The following PRKN variants were observed in gnomAD, a reference collection of about 807,000 sequenced individuals.
The protein encoded by PRKN is E3 ubiquitin-protein ligase parkin.
A neutral mutation model predicts 59.5 loss-of-function variants in PRKN; 56 were observed. That is an observed-to-expected ratio of 0.94 (90% CI 0.76 to 1.18). The LOEUF (loss-of-function observed/expected upper bound fraction) is 1.18. PRKN is among the 50% of genes most tolerant of loss of function. The pLI is 0.00. For synonymous variants in PRKN, 250 were observed against 222.1 expected, an observed-to-expected ratio of 1.13 and a Z score of -1.12; for missense variants, 657 against 596.4, an observed-to-expected ratio of 1.10 and a Z score of -1.06.
chr6:161,859,096 C>T (rs570565317), intron 6 of PRKN, among the ~76,000 whole-genome samples: 15 of 151,560 alleles, frequency 9.9e-5, no homozygotes, highest in African/African-American at 3.6e-4. Context: ...TCTCGAACTC[C>T]TGACCTCAAG....
chr6:162,323,537 A>AT (rs1562670322), intron 2 of PRKN, among the ~76,000 whole-genome samples: 3 of 152,204 alleles, frequency 2.0e-5, no homozygotes, highest in African/African-American at 7.2e-5. Context: ...GATATATATA[A>AT]AAATTTTCAA....
intron 1 of PRKN, among the ~76,000 whole-genome samples, chr6:162,464,778 G>A (rs571040096): frequency 1.7e-4 from 26 of 151,240 alleles, no homozygotes; most frequent in Non-Finnish European, 3.4e-4. Flanking sequence ...GCAGTGAGCC[G>A]AGATCGCGCC....
intron 1 of PRKN, among the ~76,000 whole-genome samples, chr6:162,506,256 A>C (rs1047246285): frequency 4.7e-5 from 2 of 42,122 alleles, no homozygotes; most frequent in Admixed American, 4.5e-4. Context: ...GGAAGCAAAA[A>C]AAAAAAAAAA....
At chr6:161,896,689 T>A (rs1562373054) in intron 6 of PRKN, among the ~76,000 whole-genome samples, 2 of 152,210 alleles carry the variant, frequency 1.3e-5, no homozygotes, top group East Asian at 3.9e-4. Context: ...CCAAGCTTCG[T>A]AAGTGTTTAC....
chr6:161,861,290 T>C (rs1793886802), intron 6 of PRKN, among the ~76,000 whole-genome samples: 1 of 152,148 alleles, frequency 6.6e-6, no homozygotes, highest in Non-Finnish European at 1.5e-5. Flanking sequence ...TGGATGAAAC[T>C]GGAAAGCCAT....
intron 2 of PRKN, among the ~76,000 whole-genome samples, chr6:162,322,752 T>C (rs1783084244): frequency 1.3e-5 from 2 of 152,090 alleles, no homozygotes; most frequent in Admixed American, 1.3e-4. Flanking sequence ...CTATGGTCTA[T>C]ATCTTGCATC....
At position 161,634,271 on chromosome 6, in the gene PRKN, C is replaced by T. The variant is rs570110924; in HGVS notation, c.872-64855G>A. On this transcript the variant is annotated intron_variant, in intron 7 of 11. Coordinates refer to ENST00000366898, the MANE Select transcript of PRKN (RefSeq NM_004562.3). ...AGTAGACACCCCTGGTGAGCGTCCC[C>T]GCAGATGGGCTCAGTCCCCCTGAAG... is the stretch of plus-strand genomic sequence containing the variant. 8.5e-5 allele frequency among the ~76,000 whole-genome samples: 13 copies of T among 152,296 alleles called. 1 individual carries two copies. The highest frequency in any genetic ancestry group is 6.5e-4 in the Admixed American group (10 of 15,298).
intron 9 of PRKN, among the ~76,000 whole-genome samples, chr6:161,431,138 C>CAAA (rs142701766): frequency 0.027 from 3,696 of 137,574 alleles, 130 homozygotes; most frequent in African/African-American, 0.071. Context: ...GACTCTGTCT[C>CAAA]AAAAAAAAAA....
chr6:161,917,967 G>A (rs1396998234), intron 6 of PRKN, among the ~76,000 whole-genome samples: 1 of 152,144 alleles, frequency 6.6e-6, no homozygotes, highest in African/African-American at 2.4e-5. Context: ...AATTCACTTT[G>A]ATCTATCCTT....
chr6:162,658,246 T>C (rs1778728156), intron 1 of PRKN, among the ~76,000 whole-genome samples: 1 of 152,236 alleles, frequency 6.6e-6, no homozygotes, highest in African/African-American at 2.4e-5. Context: ...ACTTTCTTTC[T>C]GTAGAGTCTA....
chr6:161,815,043 C>T (rs3016539), intron 6 of PRKN, among the ~76,000 whole-genome samples: 136,642 of 152,158 alleles, frequency 0.9, 61,459 homozygotes, highest in Admixed American at 0.92. Context: ...AAAACTCTCT[C>T]TAGGTGTGTG....
intron 7 of PRKN, among the ~76,000 whole-genome samples, chr6:161,639,370 G>A (rs1054313384): frequency 6.6e-6 from 1 of 152,064 alleles, no homozygotes; most frequent in Non-Finnish European, 1.5e-5. Context: ...AATTGTTAGC[G>A]CAACGTCGGC....
chr6:161,374,302 T>C (rs1270071682), intron 10 of PRKN, among the ~76,000 whole-genome samples: 2 of 151,330 alleles, frequency 1.3e-5, no homozygotes, highest in Admixed American at 6.6e-5. Flanking sequence ...GTGGTATATG[T>C]GGTGCGCGTG....
At chr6:162,664,989 A>G (rs1562480738) in intron 1 of PRKN, among the ~76,000 whole-genome samples, 1 of 152,166 alleles carries the variant, frequency 6.6e-6, no homozygotes, top group Non-Finnish European at 1.5e-5. Context: ...ACATCCCCTC[A>G]TGTTAAAAAC....
chr6:162,408,555 T>TTCTA (rs1362877797), intron 2 of PRKN, among the ~76,000 whole-genome samples: 1 of 152,146 alleles, frequency 6.6e-6, no homozygotes, highest in Non-Finnish European at 1.5e-5. Flanking sequence ...AACCACTATA[T>TTCTA]TCTATCCATA....
chr6:162,214,339 G>A (rs1000480707), intron 3 of PRKN, among the ~76,000 whole-genome samples: 1 of 152,120 alleles, frequency 6.6e-6, no homozygotes, highest in African/African-American at 2.4e-5. Context: ...AGAGAGTCAA[G>A]ACAGAAACCA....
intron 4 of PRKN, among the ~76,000 whole-genome samples, chr6:162,092,111 T>C (rs1779521358): frequency 6.6e-6 from 1 of 152,160 alleles, no homozygotes; most frequent in South Asian, 2.1e-4. Flanking sequence ...ATCCAGCACT[T>C]TGGGAGGCAG....
At chr6:162,710,679 A>G (rs185364685) in intron 1 of PRKN, among the ~76,000 whole-genome samples, 6 of 152,160 alleles carry the variant, frequency 3.9e-5, no homozygotes, top group African/African-American at 9.7e-5. Context: ...AAGTGTCAGA[A>G]GGGCTTTTCA....
chr6:161,880,501 T>C (rs1794893191), intron 6 of PRKN, among the ~76,000 whole-genome samples: 1 of 152,184 alleles, frequency 6.6e-6, no homozygotes, highest in South Asian at 2.1e-4. Context: ...TATTAGGGTA[T>C]TCTTCTCCGC....
Sources: allele counts gnomAD v4.1 joint callset (sites outside exome capture counted in the v4.1 genomes callset), GRCh38; gene constraint gnomAD v4.1.1; transcripts MANE v1.5; gene names NCBI Gene and HGNC (gene_info 2026-07-23, HGNC 2026-07-21).